Variants in XPNPEP1 observed in about 807,000 individuals in gnomAD.
The protein encoded by XPNPEP1 is xaa-Pro aminopeptidase 1.
XPNPEP1 carries 39 observed loss-of-function variants against 92.4 expected under a neutral mutation model. The observed-to-expected ratio is 0.42, with a 90% CI of 0.33 to 0.55. The LOEUF (loss-of-function observed/expected upper bound fraction) is 0.55. Among genes scored for constraint, XPNPEP1 ranks in the 20% least tolerant of loss-of-function variants. The pLI is 0.08. For synonymous variants in XPNPEP1, 307 were observed against 299.4 expected, an observed-to-expected ratio of 1.03 and a Z score of -0.26; for missense variants, 654 against 856.1, an observed-to-expected ratio of 0.76 and a Z score of 2.95.
At chr10:109,871,056 A>G (rs1847440886) in intron 17 of XPNPEP1, 152 bp from the exon 18 acceptor site, 2 of 837,144 alleles carry the variant, frequency 2.4e-6, no homozygotes, top group Middle Eastern at 3.0e-4. Flanking sequence ...ACTTTCTAAC[A>G]ATCAGAGCTC....
intron 1 of XPNPEP1, among the ~76,000 whole-genome samples, chr10:109,919,078 T>C (rs996616520): frequency 3.3e-5 from 5 of 152,194 alleles, no homozygotes; most frequent in African/African-American, 1.2e-4. Flanking sequence ...GACCTTGGAT[T>C]AGGCAATGAC....
intron 3 of XPNPEP1, among the ~76,000 whole-genome samples, chr10:109,899,615 C>T (rs927548331): frequency 6.6e-6 from 1 of 152,178 alleles, no homozygotes; most frequent in Non-Finnish European, 1.5e-5. Flanking sequence ...CAAGAGAAAG[C>T]CTGTTTATGA....
intron 3 of XPNPEP1, among the ~76,000 whole-genome samples, chr10:109,905,194 G>C (rs962299716): frequency 6.6e-6 from 1 of 152,052 alleles, no homozygotes; most frequent in Non-Finnish European, 1.5e-5. Context: ...AATTACATGC[G>C]TTATCTAAAG....
At position 109,888,111 on chromosome 10, in the gene XPNPEP1, A is replaced by T; in HGVS notation, c.590T>A (p.Ile197Asn). 1 of 1,614,112 alleles carries T rather than the reference A, an allele frequency of 6.2e-7. No homozygotes were observed. The highest frequency in any genetic ancestry group is 8.5e-7 in the Non-Finnish European group (1 of 1,180,030). The change falls in exon 7 of 21, where the codon ATC (isoleucine) becomes AAC (asparagine). Residue 197 changes from isoleucine to asparagine, a missense_variant. Transcript: ENST00000502935. ...AGGGCGCTCAGGACGGTCTGTCCAG[A>T]TTTTGTCAACGAGGTTCTCCTTGAC... ...IPVKENLVDK[I>N]WTDRPERPCK... is the part of the protein sequence containing the mutation.
intron 1 of XPNPEP1, among the ~76,000 whole-genome samples, chr10:109,915,618 G>C (rs1436735564): frequency 6.6e-6 from 1 of 152,018 alleles, no homozygotes; most frequent in Non-Finnish European, 1.5e-5. Flanking sequence ...CTTTTATTAA[G>C]AGCTTATCTT....
At chr10:109,919,862 T>C (rs1850434066) in intron 1 of XPNPEP1, among the ~76,000 whole-genome samples, 2 of 152,024 alleles carry the variant, frequency 1.3e-5, no homozygotes, top group Non-Finnish European at 2.9e-5. Flanking sequence ...TGAAACCCCA[T>C]CTCTACTGAA....
At chr10:109,869,921 G>A in intron 19 of XPNPEP1, 32 bp downstream of exon 19, 2 of 1,610,730 alleles carry the variant, frequency 1.2e-6, no homozygotes, top group Middle Eastern at 3.3e-4. Flanking sequence ...ATTGCTAATA[G>A]AAACAGGAAA....
intron 17 of XPNPEP1, among the ~76,000 whole-genome samples, chr10:109,871,409 A>C (rs1847464403): frequency 6.6e-6 from 1 of 152,192 alleles, no homozygotes; most frequent in South Asian, 2.1e-4. Context: ...GTCCCAGTAA[A>C]ATAAATCCTA....
rs192619360 is a variant in XPNPEP1 at position 109,905,445 on chromosome 10, T to C, written c.246+2246A>G. 1.6e-3 allele frequency among the ~76,000 whole-genome samples: 251 copies of C among 152,254 alleles called. 1 individual carries two copies. The highest frequency in any genetic ancestry group is 4.9e-3 in the African/African-American group (203 of 41,544). ...GGCTGGTCTCCAACTCCTGACCTCA[T>C]GATCCGCCTGCCTCGGCCTCCCAAA... On this transcript the variant is annotated intron_variant, in intron 3 of 20. Transcript: ENST00000502935.
intron 2 of XPNPEP1, among the ~76,000 whole-genome samples, chr10:109,909,052 C>A (rs1175660858): frequency 2.0e-5 from 3 of 151,516 alleles, no homozygotes; most frequent in African/African-American, 7.3e-5. Context: ...AGGCGGACCA[C>A]AAGGTCAGGA....
At chr10:109,888,001 G>C (rs773587536) in intron 7 of XPNPEP1, 48 bp downstream of exon 7, 8 of 1,604,450 alleles carry the variant, frequency 5.0e-6, no homozygotes, top group African/African-American at 1.3e-5. Context: ...AGCAAGAGGT[G>C]GGGGGACAAT....
At chr10:109,876,796 G>C (rs1847808896) in intron 14 of XPNPEP1, 1 of 152,334 alleles carries the variant, frequency 6.6e-6, no homozygotes, top group Non-Finnish European at 1.5e-5. Context: ...CCAGTGCAAA[G>C]CAAAGCGGTT....
Position 109,907,789 on chromosome 10 carries a change from A to T in XPNPEP1, c.148T>A (p.Ser50Thr). Reference sequence around the variant, plus strand: ...TGTCTCAGCTGCCGAAGCAGCTCTGAAGTCACCTTTGGAGGCATTCTGCCG... The same window carrying T: ...TGTCTCAGCTGCCGAAGCAGCTCTGTAGTCACCTTTGGAGGCATTCTGCCG... The part of the protein sequence containing the change: ...TDGRMPPKVT[S>T]ELLRQLRQAM... Residue 50 changes from serine to threonine, a missense_variant, in exon 3 of 21, where the codon TCA becomes ACA. Coordinates refer to ENST00000502935, the MANE Select transcript of XPNPEP1 (RefSeq NM_020383.4). 1 of 1,614,246 alleles carries T rather than the reference A, an allele frequency of 6.2e-7. No individual in the cohort carries two copies. The highest frequency in any genetic ancestry group is 8.5e-7 in the Non-Finnish European group (1 of 1,180,030).
In XPNPEP1 at chr10:109,880,866, C is replaced by T; in HGVS notation, c.1107G>A (p.Glu369=). 6.2e-7 allele frequency: 1 copy of T among 1,614,094 alleles called. No homozygotes were observed. Among genetic ancestry groups the T allele is most frequent in the Admixed American group, 1.7e-5 (1 of 60,010 alleles). The change falls in exon 11 of 21, where the codon GAG becomes GAA. Residue 369 remains glutamate, a synonymous_variant. Transcript: ENST00000502935. ...CGTGAGCCCGCCTCATGCCTTCTGA[C>T]TCAGCTGAATTCTTCACAGCTTTGG... is the stretch of plus-strand genomic sequence containing the variant. ...CIAKAVKNSA[E]SEGMRRAHIK...
rs12245429 is a variant in XPNPEP1 at position 109,865,427 on chromosome 10, G to A, written c.1873-115C>T. On this transcript the variant is annotated intron_variant, in intron 20 of 20. Transcript: ENST00000502935. ...AAGATCACAAGCTGAGAGAAAAGGT[G>A]TGCAACACCCTTTCTCCTTACTCAC... 9.4e-3 allele frequency: 12,799 copies of A among 1,361,692 alleles called. 825 individuals are homozygous for A. The African/African-American group carries it at 0.15, about 16-fold the overall frequency. 84.4% of individuals were successfully genotyped at this position (1,361,692 alleles called of 1,614,324 possible). A position where few individuals can be genotyped will look rare whatever the true frequency, so the allele number is the denominator to read the frequency against.
intron 9 of XPNPEP1, chr10:109,883,768 G>A (rs1381501363): frequency 3.6e-6 from 1 of 279,436 alleles, no homozygotes; most frequent in African/African-American, 2.2e-5. Context: ...ACCCAGAATT[G>A]TATAATTGAG....
chr10:109,880,602 T>C (rs1305264835), intron 11 of XPNPEP1, among the ~76,000 whole-genome samples: 1 of 144,636 alleles, frequency 6.9e-6, no homozygotes, highest in African/African-American at 2.6e-5. Context: ...CATCACGTCA[T>C]CACCATCATC....
chr10:109,887,968 C>G (rs182894061), intron 7 of XPNPEP1, 81 bp downstream of exon 7: 2 of 1,552,148 alleles, frequency 1.3e-6, no homozygotes, highest in Non-Finnish European at 1.7e-6. Context: ...GACTTGGATT[C>G]GGAGGACGAG....
At chr10:109,877,547 C>T (rs1020669208) in intron 14 of XPNPEP1, 5 of 536,098 alleles carry the variant, frequency 9.3e-6, no homozygotes, top group Non-Finnish European at 1.7e-5. Context: ...GAGGGACACC[C>T]ATCTGACTAC....
Sources: gnomAD v4.1 joint callset for allele counts (sites outside exome capture counted in the v4.1 genomes callset) on GRCh38, gnomAD v4.1.1 for gene constraint, MANE v1.5 for transcripts, NCBI Gene and HGNC (gene_info 2026-07-23, HGNC 2026-07-21) for gene names.